Variants in NHSL1 observed in about 807,000 individuals in gnomAD.
NHSL1 encodes NHS like 1, also known as NHS-like protein 1.
NHSL1 carries 48 observed loss-of-function variants against 95.0 expected under a neutral mutation model. The observed-to-expected ratio is 0.51, with a 90% confidence interval of 0.40 to 0.64. The LOEUF is 0.64. Ranked by LOEUF, NHSL1 falls within the 30% of genes least tolerant of loss-of-function variation. NHSL1 has a pLI of 0.00. For missense variants in NHSL1, 1,971 were observed against 2,077.7 expected (o/e 0.95, Z 1.00); for synonymous variants, 783 against 833.9 (o/e 0.94, Z 1.05).
At chr6:138,525,131 T>C (rs1164373838) in intron 1 of NHSL1, among the ~76,000 whole-genome samples, 1 of 152,118 alleles carries the variant, frequency 6.6e-6, no homozygotes, top group Non-Finnish European at 1.5e-5. Flanking sequence ...TTGGATTTTT[T>C]ACCTCTGTAA....
At chr6:138,602,079 G>A (rs559277955) in intron 1 of NHSL1, among the ~76,000 whole-genome samples, 2 of 152,212 alleles carry the variant, frequency 1.3e-5, no homozygotes, top group African/African-American at 4.8e-5. Flanking sequence ...TGAAATATCA[G>A]GCTTATGTTT....
chr6:138,660,964 C>A (rs752488300), intron 1 of NHSL1, among the ~76,000 whole-genome samples: 1 of 152,114 alleles, frequency 6.6e-6, no homozygotes, highest in South Asian at 2.1e-4. Flanking sequence ...TGGTGGCGCA[C>A]GCCTGTAGTC....
At chr6:138,582,509 T>A (rs1207979033) in intron 1 of NHSL1, among the ~76,000 whole-genome samples, 1 of 152,166 alleles carries the variant, frequency 6.6e-6, no homozygotes, top group Non-Finnish European at 1.5e-5. Context: ...ACTGCTGCCA[T>A]TTTGGTAGTG....
intron 1 of NHSL1, among the ~76,000 whole-genome samples, chr6:138,666,536 G>A (rs1361480599): frequency 1.4e-5 from 2 of 145,248 alleles, no homozygotes; most frequent in South Asian, 2.2e-4. Flanking sequence ...AGCTTGCAGT[G>A]AGCTGAGATT....
chr6:138,610,560 T>TATA (rs1554256222), intron 1 of NHSL1, among the ~76,000 whole-genome samples: 11 of 64,606 alleles, frequency 1.7e-4, no homozygotes, highest in African/African-American at 8.7e-4. Flanking sequence ...TATATATATA[T>TATA]TATATATATA....
chr6:138,425,755 C>A (rs1775221874), intron 7 of NHSL1, among the ~76,000 whole-genome samples: 1 of 152,214 alleles, frequency 6.6e-6, no homozygotes, highest in Non-Finnish European at 1.5e-5. Flanking sequence ...CTCAGCTTCA[C>A]ATTCTCAGTT....
chr6:138,437,425 C>T (rs1583164950), intron 5 of NHSL1, among the ~76,000 whole-genome samples: 1 of 35,480 alleles, frequency 2.8e-5, no homozygotes, highest in African/African-American at 1.2e-4. Flanking sequence ...CACACACACA[C>T]ACACACACAC....
At chr6:138,666,407 C>T (rs1333546208) in intron 1 of NHSL1, among the ~76,000 whole-genome samples, 1 of 151,882 alleles carries the variant, frequency 6.6e-6, no homozygotes, top group Non-Finnish European at 1.5e-5. Flanking sequence ...CTGGCTAACA[C>T]GGTGAAACCC....
At position 138,456,469 on chromosome 6, in the gene NHSL1, G is replaced by A. The variant is rs9495087; in HGVS notation, c.340-9276C>T. 8.6e-3 allele frequency among the ~76,000 whole-genome samples: 1,306 copies of A among 152,262 alleles called. 17 individuals are homozygous for A. Among genetic ancestry groups the A allele is most frequent in the African/African-American group, 0.03 (1,248 of 41,530 alleles). On this transcript the variant is annotated intron_variant, in intron 3 of 7. Coordinates refer to ENST00000343505, the MANE Select transcript of NHSL1 (RefSeq NM_001144060.2). ...GACATGCCAGTTCAAAGAATAACAG[G>A]AAACAGGGAAATTTCGATTTCTGTC...
chr6:138,616,231 T>C (rs1296733806), intron 1 of NHSL1, among the ~76,000 whole-genome samples: 1 of 152,206 alleles, frequency 6.6e-6, no homozygotes, highest in Admixed American at 6.5e-5. Flanking sequence ...GCAGACTATA[T>C]ACATTGCGGC....
chr6:138,565,859 C>A (rs1392925583), intron 1 of NHSL1, among the ~76,000 whole-genome samples: 1 of 151,784 alleles, frequency 6.6e-6, no homozygotes, highest in Non-Finnish European at 1.5e-5. Context: ...GGGAGGATCC[C>A]TTGAGCCTGG....
intron 1 of NHSL1, among the ~76,000 whole-genome samples, chr6:138,642,518 A>C (rs1046699848): frequency 3.9e-5 from 6 of 152,206 alleles, no homozygotes; most frequent in Non-Finnish European, 8.8e-5. Flanking sequence ...GTCTCCACTA[A>C]ATGGTTTAGA....
chr6:138,455,156 A>G (rs1012618870), intron 3 of NHSL1, among the ~76,000 whole-genome samples: 2 of 152,246 alleles, frequency 1.3e-5, no homozygotes, highest in Non-Finnish European at 2.9e-5. Context: ...AGCAGTGAGC[A>G]TTGACTCATT....
chr6:138,599,697 G>A (rs922188781), intron 1 of NHSL1, among the ~76,000 whole-genome samples: 3 of 152,182 alleles, frequency 2.0e-5, no homozygotes, highest in Admixed American at 2.0e-4. Context: ...GCTCAGTTAA[G>A]TCCAATCAGA....
intron 2 of NHSL1, among the ~76,000 whole-genome samples, chr6:138,489,923 A>AG (rs1331813492): frequency 1.8e-5 from 1 of 54,268 alleles, no homozygotes; most frequent in Non-Finnish European, 3.3e-5. Flanking sequence ...GGAGAGGGGG[A>AG]GGGGGAGACA....
upstream of NHSL1, among the ~76,000 whole-genome samples, chr6:138,548,516 C>T (rs756255663): frequency 1.3e-5 from 2 of 152,118 alleles, no homozygotes; most frequent in Admixed American, 6.5e-5. Flanking sequence ...GCTATCATTA[C>T]GGTTGGTGTA....
intron 2 of NHSL1, among the ~76,000 whole-genome samples, chr6:138,480,239 T>C (rs1018941390): frequency 6.6e-6 from 1 of 152,226 alleles, no homozygotes; most frequent in Non-Finnish European, 1.5e-5. Flanking sequence ...GTCGGTTTTC[T>C]GTATAATGCA....
At chr6:138,668,605 A>G (rs1785324659) in intron 1 of NHSL1, among the ~76,000 whole-genome samples, 1 of 151,956 alleles carries the variant, frequency 6.6e-6, no homozygotes, top group South Asian at 2.1e-4. Flanking sequence ...AAAAGAATTT[A>G]AAAACAAGAA....
chr6:138,559,722 C>T (rs994560689), intron 1 of NHSL1, among the ~76,000 whole-genome samples: 1 of 152,082 alleles, frequency 6.6e-6, no homozygotes, highest in Non-Finnish European at 1.5e-5. Flanking sequence ...TGAAGTCTAC[C>T]GAAAGCACCA....
Sources: allele counts gnomAD v4.1 joint callset (sites outside exome capture counted in the v4.1 genomes callset), GRCh38; gene constraint gnomAD v4.1.1; transcripts MANE v1.5; gene names NCBI Gene and HGNC (gene_info 2026-07-23, HGNC 2026-07-21).